The following KCNQ4 variants were observed in gnomAD, a reference collection of about 807,000 sequenced individuals.
The protein encoded by KCNQ4 is potassium voltage-gated channel subfamily KQT member 4.
In KCNQ4, 31 loss-of-function variants were observed where a neutral mutation model predicts 72.6. The observed-to-expected ratio is 0.43, with a 90% CI of 0.32 to 0.58. The LOEUF (loss-of-function observed/expected upper bound fraction) is 0.58, where lower values mean the gene tolerates loss of function less well. KCNQ4 is among the 20% of genes least tolerant of loss of function. The probability of loss-of-function intolerance (pLI) is 0.08; values close to 1 mark genes in which losing one functional copy is unlikely to be tolerated. For synonymous variants in KCNQ4, 405 were observed against 403.7 expected (o/e 1.00, Z -0.04); for missense variants, 869 against 962.6 (o/e 0.90, Z 1.29).
intron 8 of KCNQ4, among the ~76,000 whole-genome samples, chr1:40,823,297 G>A (rs1025590957): frequency 5.3e-5 from 8 of 152,296 alleles, no homozygotes; most frequent in African/African-American, 9.6e-5. Context: ...CTCTCCACCC[G>A]GCAGAGGCAA....
Position 40,838,439 on chromosome 1 carries a change from C to T in KCNQ4, c.2004C>T (p.Tyr668=). The T allele has an allele frequency of 6.2e-7, 1 of 1,614,164 alleles. No individual in the cohort carries two copies. The highest frequency in any genetic ancestry group is 8.5e-7 in the Non-Finnish European group (1 of 1,179,990). The change falls in exon 14 of 14, where the codon TAC becomes TAT. Residue 668 remains tyrosine, a synonymous_variant. Transcript: ENST00000347132. Reference sequence around the variant, plus strand: ...TCGACCCCGACATCACCTCCGACTACCACAGCCCTGTGGACCACGAGGACA... The same window carrying T: ...TCGACCCCGACATCACCTCCGACTATCACAGCCCTGTGGACCACGAGGACA... The part of the protein sequence containing the change: ...PLFDPDITSD[Y]HSPVDHEDIS...
chr1:40,787,375 A>T (rs1412209327), intron 1 of KCNQ4, among the ~76,000 whole-genome samples: 2 of 152,180 alleles, frequency 1.3e-5, no homozygotes, highest in South Asian at 4.1e-4. Flanking sequence ...TCAATTAAAA[A>T]AGAGAGAGAA....
chr1:40,814,880 G>A (rs1474544711), intron 1 of KCNQ4, among the ~76,000 whole-genome samples: 1 of 142,026 alleles, frequency 7.0e-6, no homozygotes, highest in Non-Finnish European at 1.6e-5. Context: ...TTTATAATCT[G>A]CTTTCCTTTT....
intron 1 of KCNQ4, among the ~76,000 whole-genome samples, chr1:40,806,802 T>G (rs1475997004): frequency 6.6e-6 from 1 of 152,192 alleles, no homozygotes; most frequent in Non-Finnish European, 1.5e-5. Context: ...GGCCCATCTC[T>G]CTGCACCTCT....
chr1:40,818,836 G>A (rs535699597), intron 4 of KCNQ4, 156 bp downstream of exon 4: 692 of 806,930 alleles, frequency 8.6e-4, no homozygotes, highest in Non-Finnish European at 1.2e-3. Flanking sequence ...CGAGGTCTAA[G>A]CGGGTGGGGC....
chr1:40,831,409 G>A (rs1648643958), intron 10 of KCNQ4, 105 bp downstream of exon 10: 1 of 908,072 alleles, frequency 1.1e-6, no homozygotes, highest in African/African-American at 1.7e-5. Context: ...CTCAGCTCTG[G>A]AACTGATGGA....
intron 1 of KCNQ4, among the ~76,000 whole-genome samples, chr1:40,811,087 G>A (rs1055395663): frequency 6.6e-6 from 1 of 152,154 alleles, no homozygotes; most frequent in Non-Finnish European, 1.5e-5. Flanking sequence ...CCTTATCAGG[G>A]TGATGATGGT....
chr1:40,824,662 G>A lies in KCNQ4; in HGVS notation c.1292+404G>A, dbSNP rs867054039. Among the ~76,000 whole-genome samples the A allele has an allele frequency of 1.2e-4, 19 of 152,284 alleles. No homozygotes were observed. The Middle Eastern group carries it at 0.02, about 164-fold the overall frequency. ...GTGCTTACGGCTCAGGTAATCGTGG[G>A]CACCATCCTGGGGTGTGAGGGCAGG... On this transcript the variant is annotated intron_variant, in intron 9 of 13. Coordinates refer to ENST00000347132, the MANE Select transcript of KCNQ4 (RefSeq NM_004700.4).
intron 8 of KCNQ4, 145 bp from the exon 9 acceptor site, chr1:40,823,952 C>A: frequency 1.1e-6 from 1 of 894,708 alleles, no homozygotes; most frequent in African/African-American, 1.7e-5. Context: ...CCACTGTCCA[C>A]CCTGTCCTAT....
At chr1:40,787,375 AAG>A (rs1160986082) in intron 1 of KCNQ4, among the ~76,000 whole-genome samples, 1 of 152,180 alleles carries the variant, frequency 6.6e-6, no homozygotes, top group Non-Finnish European at 1.5e-5. Context: ...TCAATTAAAA[AAG>A]AGAGAGAAAG....
intron 9 of KCNQ4, among the ~76,000 whole-genome samples, chr1:40,830,140 C>A (rs1451316474): frequency 1.3e-5 from 2 of 152,116 alleles, no homozygotes; most frequent in Non-Finnish European, 2.9e-5. Context: ...GGGGGTAGAT[C>A]TTTAGCGGGG....
At position 40,794,983 on chromosome 1, in the gene KCNQ4, G is replaced by A. The variant is rs941080418; in HGVS notation, c.314+10576G>A. Among the ~76,000 whole-genome samples the A allele has an allele frequency of 7.7e-6, 1 of 129,840 alleles. No individual in the cohort carries two copies. Among genetic ancestry groups the A allele is most frequent in the Admixed American group, 8.0e-5 (1 of 12,542 alleles). The allele number at this position is 129,840 out of a possible 152,430, so 85.2% of individuals were successfully genotyped here. ...GATTGGGTTGGGCGGGTGGGGGGGT[G>A]GGGGGCAGATCAGCCAGAATCAAGG... On this transcript the variant is annotated intron_variant, in intron 1 of 13. Transcript: ENST00000347132. The surrounding 1 kb of genome is among the most constrained non-coding windows in gnomAD (Gnocchi z 4.2).
chr1:40,786,176 C>T (rs1355297014), intron 1 of KCNQ4, among the ~76,000 whole-genome samples: 1 of 152,096 alleles, frequency 6.6e-6, no homozygotes, highest in Non-Finnish European at 1.5e-5. Context: ...GAGACACCCC[C>T]CAGAGAACAA....
rs1648930747 is a variant in KCNQ4 at position 40,840,041 on chromosome 1, A to G, written c.*1518A>G. On this transcript the variant is annotated 3_prime_UTR_variant, in exon 14 of 14. Transcript: ENST00000347132. ...GTGGCAGGAAGGTGAGGGGTAGTGG[A>G]CCAATGGCAACCCTCTGTGGGAACA... 6.6e-6 allele frequency: 1 copy of G among 152,252 alleles called. No individual in the cohort carries two copies. 9.4% of individuals were successfully genotyped at this position (152,252 alleles called of 1,614,324 possible). A position where few individuals can be genotyped will look rare whatever the true frequency, so the allele number is the denominator to read the frequency against.
rs115148799 is a variant in KCNQ4, at chr1:40,796,459, G to C, written c.314+12052G>C. ...CCTACTTTTCAGATGAGGAAGTTGA[G>C]GCACAAAGAGGTTACGTGACTTGCC... On this transcript the variant is annotated intron_variant, in intron 1 of 13. Transcript: ENST00000347132. Among the ~76,000 whole-genome samples the C allele has an allele frequency of 6.0e-3, 914 of 152,282 alleles. 9 individuals carry two copies. The highest frequency in any genetic ancestry group is 0.021 in the African/African-American group (867 of 41,542).
rs373769901 is a variant in KCNQ4, at chr1:40,817,313, C to T, written c.363C>T (p.Ile121=). ...TGGTGCTGTCTGTGCTGTCCACTAT[C>T]CAGGAGCACCAGGAACTTGCCAACG... ...SCLVLSVLST[I]QEHQELANEC... Residue 121 remains isoleucine, a synonymous_variant, in exon 2 of 14, where the codon ATC becomes ATT. Transcript: ENST00000347132. The surrounding 1 kb of genome is among the most constrained non-coding windows in gnomAD (Gnocchi z 5.5). 1.9e-6 allele frequency: 3 copies of T among 1,613,914 alleles called. No individual in the cohort carries two copies. The highest frequency in any genetic ancestry group is 2.5e-6 in the Non-Finnish European group (3 of 1,179,982).
chr1:40,790,601 A>G (rs1647263576), intron 1 of KCNQ4, among the ~76,000 whole-genome samples: 1 of 152,170 alleles, frequency 6.6e-6, no homozygotes, highest in South Asian at 2.1e-4. Context: ...TTCATGTCAC[A>G]GTTGAGCAAA....
intron 1 of KCNQ4, among the ~76,000 whole-genome samples, chr1:40,816,969 C>CA (rs934318960): frequency 6.6e-6 from 1 of 152,238 alleles, no homozygotes; most frequent in African/African-American, 2.4e-5. Flanking sequence ...AACCCTGAGT[C>CA]AGTCTATTTC....
chr1:40,838,330 A>G lies in KCNQ4; in HGVS notation c.1895A>G (p.Lys632Arg). Residue 632 changes from lysine to arginine, a missense_variant, in exon 14 of 14, where the codon AAG becomes AGG. Lys to Arg is a conservative substitution (Grantham distance 26). Coordinates refer to ENST00000347132, the MANE Select transcript of KCNQ4 (RefSeq NM_004700.4). ...CCCCAGGTGCAGTCCATCGAGCACA[A>G]GCTGGACCTGCTGTTGGGCTTCTAT... The part of the protein sequence containing the change: ...VEKQVQSIEH[K>R]LDLLLGFYSR... 1 of 1,613,774 alleles carries G rather than the reference A, an allele frequency of 6.2e-7. No homozygotes were observed. Among genetic ancestry groups the G allele is most frequent in the Non-Finnish European group, 8.5e-7 (1 of 1,179,926 alleles).
Sources: allele counts gnomAD v4.1 joint callset (sites outside exome capture counted in the v4.1 genomes callset), GRCh38; gene constraint gnomAD v4.1.1; non-coding constraint Gnocchi (gnomAD v3.1); transcripts MANE v1.5; gene names NCBI Gene and HGNC (gene_info 2026-07-23, HGNC 2026-07-21).